NRXN2: variants seen among roughly 807,000 people sequenced by gnomAD.
NRXN2 encodes the protein neurexin 2, also known as neurexin-2-beta.
A neutral mutation model predicts 128.8 loss-of-function variants in NRXN2; 29 were observed. The ratio of observed to expected loss-of-function variants is 0.23; its 90% CI spans 0.17 to 0.31. The LOEUF (loss-of-function observed/expected upper bound fraction) is 0.31, where lower values mean the gene tolerates loss of function less well. NRXN2 is among the 10% of genes least tolerant of loss of function. NRXN2 has a pLI of 1.00. For missense variants in NRXN2, 1,881 were observed against 2,452.6 expected (o/e 0.77, Z 4.92); for synonymous variants, 1,098 against 1,075.2 (o/e 1.02, Z -0.41).
intron 8 of NRXN2, 37 bp downstream of exon 8, chr11:64,668,406 C>G: frequency 6.2e-7 from 1 of 1,610,934 alleles, no homozygotes; most frequent in African/African-American, 1.3e-5. Flanking sequence ...ACAAAGGGCT[C>G]CTGAACAGCC....
intron 2 of NRXN2, among the ~76,000 whole-genome samples, chr11:64,704,008 G>A (rs936009921): frequency 6.6e-6 from 1 of 152,104 alleles, no homozygotes; most frequent in African/African-American, 2.4e-5. Context: ...CCATCTTTAC[G>A]TAGGGGCATC....
intron 11 of NRXN2, among the ~76,000 whole-genome samples, chr11:64,655,558 A>G (rs2048149477): frequency 6.6e-6 from 1 of 151,994 alleles, no homozygotes; most frequent in Non-Finnish European, 1.5e-5. Context: ...AAAAAGAAAA[A>G]AGGGGAGGCT....
intron 17 of NRXN2, among the ~76,000 whole-genome samples, chr11:64,644,879 A>C (rs2135430040): frequency 6.6e-6 from 1 of 152,154 alleles, no homozygotes; most frequent in South Asian, 2.1e-4. Flanking sequence ...TTGGGAGCAA[A>C]AACTGTCACC....
chr11:64,693,634 A>G (rs1161357691), intron 3 of NRXN2, among the ~76,000 whole-genome samples: 1 of 152,210 alleles, frequency 6.6e-6, no homozygotes, highest in Non-Finnish European at 1.5e-5. Context: ...ACCCTTCCCA[A>G]TAACCTCTGT....
intron 1 of NRXN2, among the ~76,000 whole-genome samples, chr11:64,717,129 T>C (rs539360868): frequency 2.7e-4 from 41 of 152,202 alleles, no homozygotes; most frequent in African/African-American, 9.4e-4. Flanking sequence ...CCACATCAAG[T>C]AAACGGTGTC....
chr11:64,721,731 TGGGAAGGTAGACAACA>T (rs1342114547), intron 1 of NRXN2, among the ~76,000 whole-genome samples: 1 of 151,458 alleles, frequency 6.6e-6, no homozygotes, highest in Admixed American at 6.6e-5. Flanking sequence ...ACCCAGACAC[TGGGAAGGTAGACAACA>T]GGGAAGGATA....
chr11:64,624,436 C>T (rs1186313803), intron 20 of NRXN2, among the ~76,000 whole-genome samples: 1 of 152,216 alleles, frequency 6.6e-6, no homozygotes, highest in Non-Finnish European at 1.5e-5. Context: ...GGACCAGCAA[C>T]GCCCATTACT....
At chr11:64,664,012 A>G (rs2049419520) in intron 9 of NRXN2, among the ~76,000 whole-genome samples, 1 of 152,262 alleles carries the variant, frequency 6.6e-6, no homozygotes, top group African/African-American at 2.4e-5. Context: ...CACAGAAAGT[A>G]GAATGGTGAG....
chr11:64,607,108 C>A lies in NRXN2; in HGVS notation c.*88G>T. ...AGCCTGAGGCAGCCAGGGAGAGGGT[C>A]CCCAGGCCCCTGGCAGGGAGAGGGT... On this transcript the variant is annotated 3_prime_UTR_variant, in exon 23 of 23. Coordinates refer to ENST00000265459, the MANE Select transcript of NRXN2 (RefSeq NM_015080.4). 1 of 1,424,670 alleles carries A rather than the reference C, an allele frequency of 7.0e-7. No individual in the cohort carries two copies. Among genetic ancestry groups the A allele is most frequent in the South Asian group, 1.3e-5 (1 of 79,392 alleles). 88.3% of individuals were successfully genotyped at this position (1,424,670 alleles called of 1,614,324 possible).
At chr11:64,688,455 G>A (rs2053379244) in intron 5 of NRXN2, 1 of 985,456 alleles carries the variant, frequency 1.0e-6, no homozygotes, top group Non-Finnish European at 1.2e-6. Flanking sequence ...AGGGGAGGTC[G>A]GAGCATGACT....
chr11:64,704,623 C>CAGAGAGAGAGAG (rs61394963), intron 2 of NRXN2, among the ~76,000 whole-genome samples: 1,325 of 81,100 alleles, frequency 0.016, 74 homozygotes, highest in Non-Finnish European at 0.024. Context: ...CACACACACA[C>CAGAGAGAGAGAG]AGAGAGAGAG....
At chr11:64,668,934 T>C (rs999629612) in intron 7 of NRXN2, among the ~76,000 whole-genome samples, 6 of 151,970 alleles carry the variant, frequency 3.9e-5, no homozygotes, top group African/African-American at 1.4e-4. Flanking sequence ...GAATGGGGGC[T>C]CCAGGACGGA....
intron 9 of NRXN2, among the ~76,000 whole-genome samples, chr11:64,664,174 T>C (rs2049441812): frequency 6.6e-6 from 1 of 152,200 alleles, no homozygotes; most frequent in Admixed American, 6.5e-5. Context: ...CTGAACTGCA[T>C]ACTTAAAAAT....
At chr11:64,694,610 G>A (rs1006669007) in intron 3 of NRXN2, among the ~76,000 whole-genome samples, 10 of 152,142 alleles carry the variant, frequency 6.6e-5, no homozygotes, top group Non-Finnish European at 7.4e-5. Flanking sequence ...GCTCTTGGGA[G>A]GATGTAGGTT....
Position 64,660,126 on chromosome 11 carries a change from C to T in NRXN2, c.2389+206G>A, listed in dbSNP as rs1328639370. Among the ~76,000 whole-genome samples, 2 of 152,206 alleles carry T rather than the reference C, an allele frequency of 1.3e-5. No homozygotes were observed. The highest frequency in any genetic ancestry group is 2.9e-5 in the Non-Finnish European group (2 of 68,040). On this transcript the variant is annotated intron_variant, in intron 11 of 22. Coordinates refer to ENST00000265459, the MANE Select transcript of NRXN2 (RefSeq NM_015080.4). This position sits in a 1 kb window ranked among gnomAD's most constrained non-coding sequence, Gnocchi z 5.2. ...TGGGTCTTGCCCCTCACAGTGTCGTCGAGCATGGAATGTCGCCCTACACTG... is the reference window on the plus strand; with the variant it reads ...TGGGTCTTGCCCCTCACAGTGTCGTTGAGCATGGAATGTCGCCCTACACTG...
chr11:64,641,276 G>T (rs912357452), intron 17 of NRXN2, among the ~76,000 whole-genome samples: 4 of 152,110 alleles, frequency 2.6e-5, no homozygotes, highest in Non-Finnish European at 5.9e-5. Flanking sequence ...ACAGAAATGG[G>T]AGGTGAGAGA....
chr11:64,703,290 A>G (rs1164782176), intron 2 of NRXN2, among the ~76,000 whole-genome samples: 1 of 151,958 alleles, frequency 6.6e-6, no homozygotes, highest in Non-Finnish European at 1.5e-5. Flanking sequence ...TAAAAATAAC[A>G]CTTTGCATAT....
In NRXN2 at chr11:64,630,528, T is replaced by C. The variant is rs2043745076; in HGVS notation, c.3631A>G (p.Ile1211Val). The C allele has an allele frequency of 6.2e-7, 1 of 1,614,040 alleles. No individual in the cohort carries two copies. The highest frequency in any genetic ancestry group is 1.3e-5 in the African/African-American group (1 of 75,058). Residue 1211 changes from isoleucine to valine, a missense_variant, in exon 19 of 23, where the codon ATT becomes GTT. By Grantham distance (29) the Ile-to-Val change is conservative (BLOSUM62 3). Coordinates refer to ENST00000265459, the MANE Select transcript of NRXN2 (RefSeq NM_015080.4). The surrounding 1 kb of genome is among the most constrained non-coding windows in gnomAD (Gnocchi z 4.6). ...ATGGCGTTGGGCTCGTCGATGGTAA[T>C]GTCGTCCGTGCCCACGTTAAAGATC... The part of the protein sequence containing the change: ...GVIFNVGTDD[I>V]TIDEPNAIVS...
At chr11:64,643,831 C>A (rs2135425392) in intron 17 of NRXN2, among the ~76,000 whole-genome samples, 1 of 152,078 alleles carries the variant, frequency 6.6e-6, no homozygotes, top group Non-Finnish European at 1.5e-5. Context: ...AATAATGGAA[C>A]GGGATTGAGG....
Sources: allele counts gnomAD v4.1 joint callset (sites outside exome capture counted in the v4.1 genomes callset), GRCh38; gene constraint gnomAD v4.1.1; non-coding constraint Gnocchi (gnomAD v3.1); transcripts MANE v1.5; gene names NCBI Gene and HGNC (gene_info 2026-07-23, HGNC 2026-07-21).